The following MEGF8 variants were observed in gnomAD, a reference collection of about 807,000 sequenced individuals.
MEGF8 encodes the protein multiple epidermal growth factor-like domains protein 8.
Under a neutral mutation model 302.9 loss-of-function variants are expected in MEGF8, and 156 were observed. The ratio of observed to expected loss-of-function variants is 0.52; its 90% CI spans 0.45 to 0.59. MEGF8 has a LOEUF of 0.59. Ranked by LOEUF, MEGF8 falls within the 20% of genes least tolerant of loss-of-function variation. MEGF8 has a pLI of 0.00. For missense variants in MEGF8, 3,345 were observed against 3,964.5 expected (o/e 0.84, Z 4.20); for synonymous variants, 1,621 against 1,660.5 (o/e 0.98, Z 0.58).
At chr19:42,370,425 G>C in intron 39 of MEGF8, 66 bp downstream of exon 39, 1 of 1,391,602 alleles carries the variant, frequency 7.2e-7, no homozygotes, top group Non-Finnish European at 9.8e-7. Context: ...TGGGTCTGAG[G>C]GAGGAGGGGG....
rs1274220492 is a variant in MEGF8 at position 42,354,762 on chromosome 19, A to G, written c.4144+42A>G. 3.8e-6 allele frequency: 6 copies of G among 1,563,160 alleles called. No individual in the cohort carries two copies. The highest frequency in any genetic ancestry group is 1.1e-5 in the South Asian group (1 of 87,450). On this transcript the variant is annotated intron_variant, in intron 23 of 41. Transcript: ENST00000251268. The surrounding 1 kb of genome is among the most constrained non-coding windows in gnomAD (Gnocchi z 4.3). ...AAGTGGGACCTCTTAGTCCTGGGCTATGTATCCCTTGCCCCTGAACTCACC... is the reference window on the plus strand; with the variant it reads ...AAGTGGGACCTCTTAGTCCTGGGCTGTGTATCCCTTGCCCCTGAACTCACC...
rs201282412 is a variant in MEGF8, at chr19:42,335,176, G to A, written c.700G>A (p.Ala234Thr). ...AFSARIGAAG[A>T]FLSPPGLLAV... ...CTCTGCCCGTATTGGGGCAGCTGGC[G>A]CCTTCCTGTCCCCACCAGGGCTGCT... Residue 234 changes from alanine to threonine, a missense_variant, in exon 4 of 42, where the codon GCC (alanine) becomes ACC (threonine). Transcript: ENST00000251268. The A allele has an allele frequency of 4.1e-5, 66 of 1,613,956 alleles. No homozygotes were observed. The highest frequency in any genetic ancestry group is 2.0e-4 in the African/African-American group (15 of 75,036).
At position 42,352,288 on chromosome 19, in the gene MEGF8, T is replaced by C. The variant is rs2039386604; in HGVS notation, c.3182T>C (p.Val1061Ala). 1 of 1,569,480 alleles carries C rather than the reference T, an allele frequency of 6.4e-7. No individual in the cohort carries two copies. The highest frequency in any genetic ancestry group is 8.6e-7 in the Non-Finnish European group (1 of 1,157,404). ...GTGGGGGAGGGCCTGGGGCTTCCCGTGGCCCTCCCTGCCCGCTGGGCATAC... is the reference window on the plus strand; with the variant it reads ...GTGGGGGAGGGCCTGGGGCTTCCCGCGGCCCTCCCTGCCCGCTGGGCATAC... ...LWVGEGLGLP[V>A]ALPARWAYAR... The change falls in exon 19 of 42, where the codon GTG (valine) becomes GCG (alanine). Residue 1061 changes from valine to alanine, a missense_variant. By Grantham distance (64) the Val-to-Ala change is moderately conservative. Transcript: ENST00000251268. The surrounding 1 kb of genome is among the most constrained non-coding windows in gnomAD (Gnocchi z 4.4).
chr19:42,369,129 G>A lies in MEGF8; in HGVS notation c.6641+127G>A. 4 of 1,260,950 alleles carry A rather than the reference G, an allele frequency of 3.2e-6. No individual in the cohort carries two copies. The South Asian group carries it at 4.5e-5, about 14-fold the overall frequency. 78.1% of individuals were successfully genotyped at this position (1,260,950 alleles called of 1,614,324 possible). A position where few individuals can be genotyped will look rare whatever the true frequency, so the allele number is the denominator to read the frequency against. ...AAAGCTCGAGGCATGAAGGCAGTGG[G>A]ATTGATTCCTGAAGGTCAAGAGTGG... On this transcript the variant is annotated intron_variant, in intron 37 of 41. Transcript: ENST00000251268. This position sits in a 1 kb window ranked among gnomAD's most constrained non-coding sequence, Gnocchi z 5.7.
chr19:42,359,085 GTCT>G lies in MEGF8; in HGVS notation c.5344-12_5344-10del. The G allele has an allele frequency of 1.6e-6, 1 of 624,648 alleles. No homozygotes were observed. The highest frequency in any genetic ancestry group is 2.4e-6 in the Non-Finnish European group (1 of 408,406). The allele number at this position is 624,648 out of a possible 1,614,324, so 38.7% of individuals were successfully genotyped here. A position where few individuals can be genotyped will look rare whatever the true frequency, so the allele number is the denominator to read the frequency against. On this transcript the variant is annotated splice_polypyrimidine_tract_variant and intron_variant, in intron 30 of 41. Coordinates refer to ENST00000251268, the MANE Select transcript of MEGF8 (RefSeq NM_001271938.2). ...AGGCTGTCCTGTCCCCCCACCCCCC[GTCT>G]CCCCAACAGCCCCGCCCCCGGCTTT...
Position 42,368,320 on chromosome 19 carries a change from T to C in MEGF8, c.6274-135T>C, listed in dbSNP as rs1488657949. 4 of 724,922 alleles carry C rather than the reference T, an allele frequency of 5.5e-6. No individual in the cohort carries two copies. The Admixed American group carries it at 1.2e-4, about 23-fold the overall frequency. 44.9% of individuals were successfully genotyped at this position (724,922 alleles called of 1,614,324 possible). On this transcript the variant is annotated intron_variant, in intron 35 of 41. Coordinates refer to ENST00000251268, the MANE Select transcript of MEGF8 (RefSeq NM_001271938.2). This position sits in a 1 kb window ranked among gnomAD's most constrained non-coding sequence, Gnocchi z 4.9. ...ATGATGACCCCAGCTAGTGTCCACT[T>C]TGCTCTACCTGTGGCCAGGGAGGGG... is the stretch of plus-strand genomic sequence containing the variant.
rs562711787 is a variant in MEGF8 at position 42,352,313 on chromosome 19, C to T, written c.3207C>T (p.Tyr1069=). Residue 1069 remains tyrosine, a synonymous_variant, in exon 19 of 42, where the codon TAC becomes TAT. Transcript: ENST00000251268. This position sits in a 1 kb window ranked among gnomAD's most constrained non-coding sequence, Gnocchi z 4.4. ...TGGCCCTCCCTGCCCGCTGGGCATA[C>T]GCCCGCTGTCCTGACGTGGATGAGT... ...LPVALPARWA[Y]ARCPDVDECR... The T allele has an allele frequency of 4.6e-5, 73 of 1,577,822 alleles. No individual in the cohort carries two copies. The highest frequency in any genetic ancestry group is 1.9e-4 in the South Asian group (16 of 86,320).
intron 39 of MEGF8, 121 bp from the exon 40 acceptor site, chr19:42,370,580 G>C: frequency 8.5e-7 from 1 of 1,176,020 alleles, no homozygotes; most frequent in Non-Finnish European, 1.2e-6. Context: ...AGGGAGGAGG[G>C]GGTGGGAGCC....
Position 42,344,190 on chromosome 19 carries a change from C to T in MEGF8, c.1788+117C>T, listed in dbSNP as rs976983731. ...TCAACTGGGAGACTTGTTTTCATGC[C>T]GGAGATCCTCCTTCCTGATTCCTGA... On this transcript the variant is annotated intron_variant, in intron 10 of 41. Transcript: ENST00000251268. This position sits in a 1 kb window ranked among gnomAD's most constrained non-coding sequence, Gnocchi z 4.5. 12 of 1,392,478 alleles carry T rather than the reference C, an allele frequency of 8.6e-6. No individual in the cohort carries two copies. The highest frequency in any genetic ancestry group is 2.5e-5 in the East Asian group (1 of 39,998). 86.3% of individuals were successfully genotyped at this position (1,392,478 alleles called of 1,614,324 possible).
chr19:42,327,658 CAT>C (rs1371223631), intron 1 of MEGF8, among the ~76,000 whole-genome samples: 2 of 152,218 alleles, frequency 1.3e-5, no homozygotes, highest in African/African-American at 4.8e-5. Flanking sequence ...TCTGTGAAGA[CAT>C]GTGGCTTAAC....
Position 42,377,071 on chromosome 19 carries a change from A to T in MEGF8, c.*296A>T. The T allele has an allele frequency of 2.6e-6, 1 of 384,220 alleles. No homozygotes were observed. The highest frequency in any genetic ancestry group is 4.6e-6 in the Non-Finnish European group (1 of 215,950). 23.8% of individuals were successfully genotyped at this position (384,220 alleles called of 1,614,324 possible). A position where few individuals can be genotyped will look rare whatever the true frequency, so the allele number is the denominator to read the frequency against. On this transcript the variant is annotated 3_prime_UTR_variant, in exon 42 of 42. Coordinates refer to ENST00000251268, the MANE Select transcript of MEGF8 (RefSeq NM_001271938.2). ...GGAGACAATCAGTGCACATGCACAC[A>T]CCCCACACGCATACACACATGAACA...
At position 42,356,779 on chromosome 19, in the gene MEGF8, CAGTG is replaced by C; in HGVS notation, c.4635_4638del (p.Glu1546GlyfsTer183). 1 of 1,548,814 alleles carries C rather than the reference CAGTG, an allele frequency of 6.5e-7. No individual in the cohort carries two copies. Among genetic ancestry groups the C allele is most frequent in the Non-Finnish European group, 8.7e-7 (1 of 1,145,472 alleles). ...TTTTTGCACCCTGGCCCCAGGTACT[CAGTG>C]AGTGAGCGGCGGTGGACACAGATGC... On this transcript the variant is annotated frameshift_variant, in exon 27 of 42. Coordinates refer to ENST00000251268, the MANE Select transcript of MEGF8 (RefSeq NM_001271938.2). LOFTEE classifies it high-confidence loss of function. This position sits in a 1 kb window ranked among gnomAD's most constrained non-coding sequence, Gnocchi z 5.2.
At position 42,349,664 on chromosome 19, in the gene MEGF8, C is replaced by G. The variant is rs2039340723; in HGVS notation, c.2464C>G (p.Leu822Val). Residue 822 changes from leucine (L) to valine (V), a missense_variant, in exon 14 of 42, where the codon CTG becomes GTG. Coordinates refer to ENST00000251268, the MANE Select transcript of MEGF8 (RefSeq NM_001271938.2). ...SAGPGHSELTLLWDRTGVPGG... is the reference protein window; with the variant it reads ...SAGPGHSELTVLWDRTGVPGG... ...AGGCCCTGGGCACAGCGAGCTAACT[C>G]TGCTGTGGGATCGGACTGGTGTGCC... 2 of 1,612,104 alleles carry G rather than the reference C, an allele frequency of 1.2e-6. No homozygotes were observed. Among genetic ancestry groups the G allele is most frequent in the Non-Finnish European group, 1.7e-6 (2 of 1,179,844 alleles).
intron 1 of MEGF8, among the ~76,000 whole-genome samples, chr19:42,331,041 G>A (rs2039048082): frequency 6.6e-6 from 1 of 152,138 alleles, no homozygotes; most frequent in Non-Finnish European, 1.5e-5. Flanking sequence ...TGTTGAGTTG[G>A]GAAGATCAGA....
At chr19:42,350,038 T>TC (rs2039345723) in intron 14 of MEGF8, 110 bp from the exon 15 acceptor site, 5 of 839,810 alleles carry the variant, frequency 6.0e-6, no homozygotes, top group Non-Finnish European at 9.5e-6. Context: ...CCTGACTTCC[T>TC]ATGTGCCTGA....
At position 42,348,276 on chromosome 19, in the gene MEGF8, C is replaced by T. The variant is rs2039318654; in HGVS notation, c.2102C>T (p.Ser701Leu). Residue 701 changes from serine (S) to leucine (L), a missense_variant, in exon 13 of 42, where the codon TCA becomes TTA. Physicochemically the swap from Ser to Leu is moderately radical, Grantham distance 145 (BLOSUM62 -2). Coordinates refer to ENST00000251268, the MANE Select transcript of MEGF8 (RefSeq NM_001271938.2). ...PPNTSQPDKV[S>L]IVRSTTITLT... ...CACCCATCCCTGGTGGCACAGGTCTCAATTGTCCGCAGCACGACCATCACC... is the reference window on the plus strand; with the variant it reads ...CACCCATCCCTGGTGGCACAGGTCTTAATTGTCCGCAGCACGACCATCACC... The T allele has an allele frequency of 1.3e-6, 2 of 1,536,946 alleles. No individual in the cohort carries two copies. Among genetic ancestry groups the T allele is most frequent in the African/African-American group, 2.7e-5 (2 of 73,052 alleles).
In MEGF8 at chr19:42,337,802, G is replaced by A. The variant is rs187490605; in HGVS notation, c.1513+596G>A. ...ATTACAGGCGTGAGCCACCATGCCC[G>A]GCCTCTTTTCTTTTTTTTTGAGAGG... On this transcript the variant is annotated intron_variant, in intron 8 of 41. Transcript: ENST00000251268. Among the ~76,000 whole-genome samples the A allele has an allele frequency of 4.7e-4, 70 of 150,520 alleles. No individual in the cohort carries two copies. In the East Asian group the frequency reaches 0.013, roughly 29 times the overall value.
rs1181544798 is a variant in MEGF8 at position 42,354,975 on chromosome 19, C to T, written c.4144+255C>T. ...TATAGAATGTGGTTGGTGTGAGGATCCCACACCACTCACTCTTTCCAGCTA... is the reference window on the plus strand; with the variant it reads ...TATAGAATGTGGTTGGTGTGAGGATTCCACACCACTCACTCTTTCCAGCTA... On this transcript the variant is annotated intron_variant, in intron 23 of 41. Coordinates refer to ENST00000251268, the MANE Select transcript of MEGF8 (RefSeq NM_001271938.2). The surrounding 1 kb of genome is among the most constrained non-coding windows in gnomAD (Gnocchi z 4.3). 1.3e-5 allele frequency among the ~76,000 whole-genome samples: 2 copies of T among 152,110 alleles called. No individual in the cohort carries two copies. The highest frequency in any genetic ancestry group is 4.8e-5 in the African/African-American group (2 of 41,418).
Position 42,359,106 on chromosome 19 carries a change from C to T in MEGF8, c.5352C>T (p.Pro1784=), listed in dbSNP as rs745586029. The change falls in exon 31 of 42, where the codon CCC becomes CCT. Residue 1784 remains proline (P), a synonymous_variant. Coordinates refer to ENST00000251268, the MANE Select transcript of MEGF8 (RefSeq NM_001271938.2). ...CCCCGTCTCCCCAACAGCCCCGCCC[C>T]CGGCTTTTCCACGCCTCAGCCCTGT... The part of the protein sequence containing the change: ...EISPHLKEPR[P]RLFHASALLG... 2 of 1,535,260 alleles carry T rather than the reference C, an allele frequency of 1.3e-6. No individual in the cohort carries two copies. Among genetic ancestry groups the T allele is most frequent in the Non-Finnish European group, 1.8e-6 (2 of 1,140,740 alleles).
Sources: gnomAD v4.1 joint callset for allele counts (sites outside exome capture counted in the v4.1 genomes callset) on GRCh38, gnomAD v4.1.1 for gene constraint, Gnocchi (gnomAD v3.1) non-coding constraint, MANE v1.5 for transcripts, NCBI Gene and HGNC (gene_info 2026-07-23, HGNC 2026-07-21) for gene names.